SYNPO: variants seen among roughly 807,000 people sequenced by gnomAD.
The protein encoded by SYNPO is synaptopodin.
In SYNPO, 19 loss-of-function variants were observed where a neutral mutation model predicts 49.5. The ratio of observed to expected loss-of-function variants is 0.38; its 90% CI spans 0.27 to 0.56. The LOEUF (loss-of-function observed/expected upper bound fraction) is 0.56, where lower values mean the gene tolerates loss of function less well. SYNPO is among the 20% of genes least tolerant of loss of function. The pLI is 0.68. For synonymous variants in SYNPO, 536 were observed against 548.0 expected, an observed-to-expected ratio of 0.98 and a Z score of 0.31; for missense variants, 1,131 against 1,248.3, an observed-to-expected ratio of 0.91 and a Z score of 1.42.
At chr5:150,613,305 G>C (rs186753621) in intron 1 of SYNPO, among the ~76,000 whole-genome samples, 8 of 152,150 alleles carry the variant, frequency 5.3e-5, no homozygotes, top group African/African-American at 1.2e-4. Context: ...CAGCAGGAGA[G>C]AGCCTAGGCA....
the SYNPO span, among the ~76,000 whole-genome samples, chr5:150,590,395 AG>A: frequency 6.6e-6 from 1 of 152,232 alleles, no homozygotes; most frequent in African/African-American, 2.4e-5. Flanking sequence ...AGGCCCAGAG[AG>A]GGCCAAGGGG....
At chr5:150,597,880 G>A (rs148411152), upstream of SYNPO, among the ~76,000 whole-genome samples, 1,427 of 151,538 alleles carry the variant, frequency 9.4e-3, 20 homozygotes, top group African/African-American at 0.033. Context: ...TCAAGTGATC[G>A]GCCCACCTCA....
intron 2 of SYNPO, among the ~76,000 whole-genome samples, chr5:150,635,467 TTTTG>T (rs1757685567): frequency 1.3e-5 from 2 of 152,184 alleles, no homozygotes; most frequent in African/African-American, 4.8e-5. Context: ...GAAAACATTT[TTTTG>T]TTTGTTTGGT....
intron 1 of SYNPO, among the ~76,000 whole-genome samples, chr5:150,601,970 G>A (rs145472743): frequency 4.2e-3 from 644 of 152,322 alleles, no homozygotes; most frequent in Non-Finnish European, 7.1e-3. Flanking sequence ...CCAGGAGCTC[G>A]GCATCACCAC....
intron 1 of SYNPO, among the ~76,000 whole-genome samples, chr5:150,611,687 G>T (rs1190024591): frequency 6.6e-6 from 1 of 152,214 alleles, no homozygotes; most frequent in African/African-American, 2.4e-5. Context: ...ACTGATGGCC[G>T]CTGAGGAAGG....
At chr5:150,638,979 C>T (rs190187725), upstream of SYNPO, among the ~76,000 whole-genome samples, 2 of 152,314 alleles carry the variant, frequency 1.3e-5, no homozygotes, top group East Asian at 1.9e-4. Context: ...TCCTGTGATC[C>T]TCTCTGTGAG....
chr5:150,602,684 G>A (rs1029133342), intron 1 of SYNPO, among the ~76,000 whole-genome samples: 4 of 152,104 alleles, frequency 2.6e-5, no homozygotes, highest in Non-Finnish European at 4.4e-5. Flanking sequence ...CTAGTAGCAT[G>A]ATCATAACTC....
rs564870597 is a variant in SYNPO, at chr5:150,623,082, G to A, written c.400+4315G>A. ...ATGCACAGCTGCCACATGTGAACAC[G>A]TCTCAGATTTGCTTACAGAGCTGCA... is the stretch of plus-strand genomic sequence containing the variant. On this transcript the variant is annotated intron_variant, in intron 2 of 2. Coordinates refer to the SYNPO transcript ENST00000394243. Among the ~76,000 whole-genome samples, 223 of 152,294 alleles carry A rather than the reference G, an allele frequency of 1.5e-3. 1 individual carries two copies. Among genetic ancestry groups the A allele is most frequent in the African/African-American group, 5.0e-3 (207 of 41,558 alleles).
At chr5:150,604,908 C>A in intron 1 of SYNPO, among the ~76,000 whole-genome samples, 1 of 152,172 alleles carries the variant, frequency 6.6e-6, no homozygotes, top group East Asian at 1.9e-4. Flanking sequence ...AGCACCAACT[C>A]TTCTGCAGGC....
intron 1 of SYNPO, among the ~76,000 whole-genome samples, chr5:150,642,007 C>T (rs1341037524): frequency 2.0e-5 from 3 of 152,238 alleles, no homozygotes; most frequent in Non-Finnish European, 4.4e-5. Flanking sequence ...TGGATTCCAG[C>T]TCTGCCACTC....
At chr5:150,592,262 A>G in the SYNPO span, among the ~76,000 whole-genome samples, 54,311 of 152,108 alleles carry the variant, frequency 0.36, 10,236 homozygotes, top group Middle Eastern at 0.52. Context: ...TTTTTAGTAT[A>G]TATCCTAAAT....
upstream of SYNPO, among the ~76,000 whole-genome samples, chr5:150,639,881 C>T (rs1397680868): frequency 6.6e-6 from 1 of 152,226 alleles, no homozygotes; most frequent in Non-Finnish European, 1.5e-5. Flanking sequence ...GAAAATAGGG[C>T]CCAGACCCTC....
At chr5:150,594,036 G>A in the SYNPO span, among the ~76,000 whole-genome samples, 1 of 152,218 alleles carries the variant, frequency 6.6e-6, no homozygotes, top group Non-Finnish European at 1.5e-5. Flanking sequence ...CCTGCTGGGT[G>A]GAGGGGCTTA....
chr5:150,593,560 C>G, the SYNPO span, among the ~76,000 whole-genome samples: 1 of 152,170 alleles, frequency 6.6e-6, no homozygotes, highest in African/African-American at 2.4e-5. Context: ...CTCCCACACT[C>G]AAACCATCCT....
chr5:150,652,230 G>A, intron 2 of SYNPO: 1 of 1,000,700 alleles, frequency 1.0e-6, no homozygotes, highest in Non-Finnish European at 1.2e-6. Flanking sequence ...CTACCCTTGA[G>A]GGCCACCAAT....
intron 2 of SYNPO, among the ~76,000 whole-genome samples, chr5:150,656,097 T>G (rs973612300): frequency 6.6e-6 from 1 of 152,246 alleles, no homozygotes; most frequent in Non-Finnish European, 1.5e-5. Context: ...TCACACCCCA[T>G]TTTACAGAAG....
chr5:150,627,888 G>T (rs1425031981), intron 2 of SYNPO, among the ~76,000 whole-genome samples: 1 of 152,130 alleles, frequency 6.6e-6, no homozygotes, highest in East Asian at 1.9e-4. Context: ...GAGGGTGGGG[G>T]TGTTGGTTGC....
At position 150,656,592 on chromosome 5, in the gene SYNPO, G is replaced by A; in HGVS notation, c.2217G>A (p.Pro739=). ...CGTGGAGCGAGCGCTCGGTGTCCCC[G>A]CTGCGACCTGAGACCGAGGCGCGGC... ...SPSWSERSVS[P]LRPETEARPP... is the part of the protein sequence containing the mutation. Residue 739 remains proline (P), a synonymous_variant, in exon 3 of 3, where the codon CCG becomes CCA. Transcript: ENST00000307662. 6.6e-7 allele frequency: 1 copy of A among 1,520,028 alleles called. No homozygotes were observed. Among genetic ancestry groups the A allele is most frequent in the Non-Finnish European group, 8.8e-7 (1 of 1,141,188 alleles). 94.2% of individuals were successfully genotyped at this position (1,520,028 alleles called of 1,614,324 possible). A position where few individuals can be genotyped will look rare whatever the true frequency, so the allele number is the denominator to read the frequency against.
chr5:150,624,059 C>G (rs933101557), intron 2 of SYNPO, among the ~76,000 whole-genome samples: 1 of 152,232 alleles, frequency 6.6e-6, no homozygotes, highest in Admixed American at 6.5e-5. Context: ...GGGCTTCGCA[C>G]GCTCAATCTG....
Sources: gnomAD v4.1 joint callset for allele counts (sites outside exome capture counted in the v4.1 genomes callset) on GRCh38, gnomAD v4.1.1 for gene constraint, MANE v1.5 for transcripts, NCBI Gene and HGNC (gene_info 2026-07-23, HGNC 2026-07-21) for gene names.